Variants in TENM3 observed in about 807,000 individuals in gnomAD.
TENM3 encodes the protein teneurin-3.
Under a neutral mutation model 255.1 loss-of-function variants are expected in TENM3, and 63 were observed. The ratio of observed to expected loss-of-function variants is 0.25; its 90% CI spans 0.20 to 0.30. TENM3 has a LOEUF of 0.30. Ranked by LOEUF, TENM3 falls within the 10% of genes least tolerant of loss-of-function variation. TENM3 has a pLI of 1.00. For synonymous variants in TENM3, 1,306 were observed against 1,322.3 expected, an observed-to-expected ratio of 0.99 and a Z score of 0.27; for missense variants, 2,929 against 3,461.1, an observed-to-expected ratio of 0.85 and a Z score of 3.86.
At chr4:182,320,453 C>T (rs1462296052) in intron 1 of TENM3, among the ~76,000 whole-genome samples, 1 of 152,190 alleles carries the variant, frequency 6.6e-6, no homozygotes, top group East Asian at 1.9e-4. Context: ...CAATCTCTGC[C>T]TCTGTCTTCT....
intron 3 of TENM3, among the ~76,000 whole-genome samples, chr4:182,468,450 C>T (rs1349189874): frequency 6.6e-6 from 1 of 152,144 alleles, no homozygotes; most frequent in Non-Finnish European, 1.5e-5. Flanking sequence ...GGCTGGATAA[C>T]AAAACCCTAA....
chr4:182,523,330 C>T (rs1245588455), intron 3 of TENM3, among the ~76,000 whole-genome samples: 1 of 152,088 alleles, frequency 6.6e-6, no homozygotes, highest in Non-Finnish European at 1.5e-5. Flanking sequence ...TACTTCTGAT[C>T]AAGACTCACT....
intron 3 of TENM3, 59 bp from the exon 4 acceptor site, chr4:182,600,865 A>G (rs1747756156): frequency 1.1e-6 from 1 of 895,766 alleles, no homozygotes; most frequent in Admixed American, 3.3e-5. Context: ...TAGTGTGTAT[A>G]TACATATATA....
the TENM3 span, among the ~76,000 whole-genome samples, chr4:181,924,471 A>G: frequency 3.3e-5 from 5 of 152,200 alleles, no homozygotes; most frequent in East Asian, 1.9e-4. Flanking sequence ...TACCATGCAC[A>G]TGACTTCCCC....
chr4:182,115,659 C>G, the TENM3 span, among the ~76,000 whole-genome samples: 1 of 152,172 alleles, frequency 6.6e-6, no homozygotes, highest in African/African-American at 2.4e-5. Context: ...TTCAGGCTAG[C>G]AAGGCAGCTT....
intron 12 of TENM3, among the ~76,000 whole-genome samples, chr4:182,706,959 C>CAA (rs71605083): frequency 2.9e-4 from 37 of 126,116 alleles, no homozygotes; most frequent in South Asian, 5.3e-4. Flanking sequence ...ACCCTGTATC[C>CAA]AAAAAAAAAA....
chr4:182,344,695 C>G (rs750001765), intron 2 of TENM3, among the ~76,000 whole-genome samples: 1 of 152,094 alleles, frequency 6.6e-6, no homozygotes, highest in Non-Finnish European at 1.5e-5. Flanking sequence ...AGGCAAAAAA[C>G]AAAGGATCTT....
the TENM3 span, among the ~76,000 whole-genome samples, chr4:181,544,424 A>C: frequency 0.05 from 7,217 of 145,568 alleles, 353 homozygotes; most frequent in Middle Eastern, 0.13. Flanking sequence ...AAAAAAAAAA[A>C]AAAAAAAAAA....
the TENM3 span, among the ~76,000 whole-genome samples, chr4:181,997,353 T>G: frequency 6.6e-6 from 1 of 152,138 alleles, no homozygotes; most frequent in Non-Finnish European, 1.5e-5. Context: ...AAGAAAAACA[T>G]GGACCACCTA....
intron 1 of TENM3, among the ~76,000 whole-genome samples, chr4:182,224,447 A>G (rs1051671070): frequency 6.6e-5 from 10 of 152,222 alleles, no homozygotes; most frequent in African/African-American, 2.2e-4. Context: ...TAATCCTCCC[A>G]GTGCAATAAT....
At chr4:181,780,025 C>G in the TENM3 span, among the ~76,000 whole-genome samples, 7 of 152,180 alleles carry the variant, frequency 4.6e-5, no homozygotes, top group African/African-American at 1.7e-4. Context: ...TTTTCTTAAT[C>G]CAGTCTATCA....
At chr4:181,886,121 C>G in the TENM3 span, among the ~76,000 whole-genome samples, 4 of 150,290 alleles carry the variant, frequency 2.7e-5, no homozygotes, top group Non-Finnish European at 5.9e-5. Flanking sequence ...GGCGTGATCG[C>G]CACTCACTGC....
chr4:182,687,625 G>A (rs939380129), intron 11 of TENM3, among the ~76,000 whole-genome samples: 1 of 152,178 alleles, frequency 6.6e-6, no homozygotes, highest in African/African-American at 2.4e-5. Flanking sequence ...GTCTGTGTCA[G>A]AAGCAAGCTA....
intron 1 of TENM3, among the ~76,000 whole-genome samples, chr4:182,196,053 C>T (rs912626298): frequency 3.9e-4 from 59 of 152,164 alleles, no homozygotes; most frequent in Admixed American, 3.4e-3. Context: ...AAGGAGCTAA[C>T]AGTCCTCTTT....
chr4:181,554,476 TGAG>T, the TENM3 span, among the ~76,000 whole-genome samples: 1 of 152,192 alleles, frequency 6.6e-6, no homozygotes, highest in Non-Finnish European at 1.5e-5. Context: ...ATATCTATGA[TGAG>T]AACATAAATT....
intron 3 of TENM3, among the ~76,000 whole-genome samples, chr4:182,557,093 G>C (rs1443544735): frequency 6.6e-6 from 1 of 152,096 alleles, no homozygotes; most frequent in African/African-American, 2.4e-5. Context: ...TTGTTTTTTT[G>C]TGGAGCTTTT....
intron 4 of TENM3, among the ~76,000 whole-genome samples, chr4:182,626,998 C>G (rs1750880302): frequency 6.6e-6 from 1 of 152,152 alleles, no homozygotes. Context: ...GATTTTCAAT[C>G]CAGAATTCTT....
At chr4:181,451,562 G>A in the TENM3 span, among the ~76,000 whole-genome samples, 1 of 152,168 alleles carries the variant, frequency 6.6e-6, no homozygotes, top group Non-Finnish European at 1.5e-5. Context: ...AGTTGAGGAA[G>A]AAGAAAAGAG....
the TENM3 span, among the ~76,000 whole-genome samples, chr4:181,852,368 G>A: frequency 5.9e-5 from 9 of 152,132 alleles, no homozygotes; most frequent in African/African-American, 1.9e-4. Context: ...CAGGTGCTGG[G>A]TTCAGGTCCT....
Sources: gnomAD v4.1 joint callset for allele counts (sites outside exome capture counted in the v4.1 genomes callset) on GRCh38, gnomAD v4.1.1 for gene constraint, MANE v1.5 for transcripts, NCBI Gene and HGNC (gene_info 2026-07-23, HGNC 2026-07-21) for gene names.